ABCA1: variants seen among roughly 807,000 people sequenced by gnomAD.
ABCA1 encodes ATP binding cassette subfamily A member 1, also known as phospholipid-transporting ATPase ABCA1.
A neutral mutation model predicts 262.5 loss-of-function variants in ABCA1; 133 were observed. The observed-to-expected ratio is 0.51, with a 90% CI of 0.44 to 0.59. ABCA1 has a LOEUF of 0.59. ABCA1 is among the 20% of genes least tolerant of loss of function. The pLI is 0.00. For synonymous variants in ABCA1, 1,022 were observed against 1,043.5 expected (o/e 0.98, Z 0.40); for missense variants, 2,452 against 2,777.5 (o/e 0.88, Z 2.63).
At chr9:104,810,719 A>C in intron 29 of ABCA1, 81 bp downstream of exon 29, 1 of 1,605,098 alleles carries the variant, frequency 6.2e-7, no homozygotes, top group Non-Finnish European at 8.5e-7. Context: ...TGTAATTCTG[A>C]AGTCCATTCC....
intron 49 of ABCA1, 129 bp downstream of exon 49, chr9:104,785,267 C>A: frequency 8.0e-7 from 1 of 1,256,702 alleles, no homozygotes; most frequent in Non-Finnish European, 1.1e-6. Context: ...AAAAGCATAG[C>A]TAGGAATAGT....
chr9:104,927,326 C>T (rs1483891440), intron 1 of ABCA1, among the ~76,000 whole-genome samples: 1 of 152,100 alleles, frequency 6.6e-6, no homozygotes, highest in Non-Finnish European at 1.5e-5. Context: ...TCAGGTCAAA[C>T]AAAGACCCAA....
At chr9:104,885,038 C>T (rs1330117094) in intron 3 of ABCA1, among the ~76,000 whole-genome samples, 1 of 152,120 alleles carries the variant, frequency 6.6e-6, no homozygotes, top group Non-Finnish European at 1.5e-5. Flanking sequence ...GAGTTCAAGA[C>T]CACCCTGGCC....
chr9:104,861,526 G>C lies in ABCA1; in HGVS notation c.543+153C>G, dbSNP rs73504110. 10,745 of 1,119,198 alleles carry C rather than the reference G, an allele frequency of 9.6e-3. 650 individuals carry two copies. In the African/African-American group the frequency reaches 0.14, roughly 15 times the overall value. 69.3% of individuals were successfully genotyped at this position (1,119,198 alleles called of 1,614,324 possible). A position where few individuals can be genotyped will look rare whatever the true frequency, so the allele number is the denominator to read the frequency against. ...CTGGATGGTTTGGCAATTCCTGCCT[G>C]AATAGGGAAGTAAAATTAAGTGAAG... On this transcript the variant is annotated intron_variant, in intron 6 of 49. Coordinates refer to ENST00000374736, the MANE Select transcript of ABCA1 (RefSeq NM_005502.4).
chr9:104,783,947 T>C lies in ABCA1; in HGVS notation c.*368A>G, dbSNP rs13306080. The stretch of plus-strand genomic sequence containing the variant: ...TTTGATCAATAATCGCTGGCCATGA[T>C]TACTTGATGAATTATTGTTGCAACC... On this transcript the variant is annotated 3_prime_UTR_variant, in exon 50 of 50. Transcript: ENST00000374736. 74 of 198,928 alleles carry C rather than the reference T, an allele frequency of 3.7e-4. No homozygotes were observed. The East Asian group carries it at 8.7e-3, about 23-fold the overall frequency. 12.3% of individuals were successfully genotyped at this position (198,928 alleles called of 1,614,324 possible). A position where few individuals can be genotyped will look rare whatever the true frequency, so the allele number is the denominator to read the frequency against.
chr9:104,827,329 A>T (rs563232651), intron 15 of ABCA1, among the ~76,000 whole-genome samples, 160 bp from the exon 16 acceptor site: 1 of 152,364 alleles, frequency 6.6e-6, no homozygotes, highest in East Asian at 1.9e-4. Flanking sequence ...GATCATTACC[A>T]TCCTAAAGAA....
At chr9:104,814,058 G>C in intron 27 of ABCA1, 60 bp downstream of exon 27, 2 of 1,535,746 alleles carry the variant, frequency 1.3e-6, no homozygotes, top group Non-Finnish European at 9.0e-7. Context: ...ACAGGTGAGA[G>C]CATGAGAGAG....
intron 32 of ABCA1, 70 bp downstream of exon 32, chr9:104,804,556 G>T (rs1402922829): frequency 1.6e-6 from 2 of 1,236,054 alleles, no homozygotes; most frequent in African/African-American, 1.5e-5. Context: ...GTTTCAGTCT[G>T]TTATTTGTAG....
chr9:104,901,910 A>G (rs1398128403), intron 2 of ABCA1, among the ~76,000 whole-genome samples: 2 of 152,240 alleles, frequency 1.3e-5, no homozygotes, highest in Non-Finnish European at 2.9e-5. Context: ...CTAATCAGTT[A>G]GTGCCTCACA....
At chr9:104,862,412 C>G (rs971886533) in intron 5 of ABCA1, among the ~76,000 whole-genome samples, 2 of 92,216 alleles carry the variant, frequency 2.2e-5, no homozygotes, top group African/African-American at 6.6e-5. Context: ...CCCGGTCTTT[C>G]TCTTCTAAAT....
chr9:104,788,097 A>T (rs779854678), intron 45 of ABCA1, 43 bp from the exon 46 acceptor site: 1 of 1,591,812 alleles, frequency 6.3e-7, no homozygotes, highest in Non-Finnish European at 8.6e-7. Context: ...TGGCTTGGGA[A>T]TTTTATCATG....
chr9:104,860,890 G>A (rs1212547252), intron 6 of ABCA1, among the ~76,000 whole-genome samples: 1 of 151,472 alleles, frequency 6.6e-6, no homozygotes, highest in Non-Finnish European at 1.5e-5. Context: ...ACGAGTAGCT[G>A]GGACTACAGG....
intron 42 of ABCA1, 113 bp from the exon 43 acceptor site, chr9:104,792,111 T>G (rs1829477511): frequency 1.0e-6 from 1 of 967,212 alleles, no homozygotes; most frequent in Non-Finnish European, 1.6e-6. Flanking sequence ...GACTTGTCAA[T>G]AACCCTAAGC....
chr9:104,794,237 G>T, intron 40 of ABCA1, 150 bp downstream of exon 40: 2 of 1,204,460 alleles, frequency 1.7e-6, no homozygotes, highest in Non-Finnish European at 2.4e-6. Context: ...ACAACCAGCT[G>T]TGTTGGCATG....
chr9:104,854,839 C>A (rs1415901880), intron 7 of ABCA1, among the ~76,000 whole-genome samples: 2 of 152,214 alleles, frequency 1.3e-5, no homozygotes, highest in Non-Finnish European at 2.9e-5. Flanking sequence ...CATATATCCA[C>A]CCACCTTTGT....
At chr9:104,911,578 G>A (rs1201023729) in intron 1 of ABCA1, among the ~76,000 whole-genome samples, 1 of 152,144 alleles carries the variant, frequency 6.6e-6, no homozygotes, top group Non-Finnish European at 1.5e-5. Context: ...AAGCTAATCT[G>A]ACTGCCTCAG....
Position 104,817,967 on chromosome 9 carries a change from C to T in ABCA1, c.3463-563G>A, listed in dbSNP as rs150853545. Among the ~76,000 whole-genome samples, 23 of 152,252 alleles carry T rather than the reference C, an allele frequency of 1.5e-4. No individual in the cohort carries two copies. The Middle Eastern group carries it at 0.01, about 68-fold the overall frequency. On this transcript the variant is annotated intron_variant, in intron 23 of 49. Transcript: ENST00000374736. This position sits in a 1 kb window ranked among gnomAD's most constrained non-coding sequence, Gnocchi z 4.7. The stretch of plus-strand genomic sequence containing the variant: ...ATTAGGTACCACTGGCTTCAACACA[C>T]AAATAAATCTCAGGCATGTACTGCG...
rs771211773 is a variant in ABCA1, at chr9:104,832,787, G to A, written c.1312-16C>T. On this transcript the variant is annotated splice_polypyrimidine_tract_variant and intron_variant, in intron 11 of 49. Coordinates refer to ENST00000374736, the MANE Select transcript of ABCA1 (RefSeq NM_005502.4). ...CCAACAGCATCTGCCATTCCAGTGA[G>A]AAAGTACAAGTAGTAAACACCAACT... The A allele has an allele frequency of 3.6e-5, 58 of 1,613,122 alleles. No individual in the cohort carries two copies. Among genetic ancestry groups the A allele is most frequent in the Non-Finnish European group, 4.6e-5 (54 of 1,179,210 alleles).
At chr9:104,912,978 T>A (rs2118490063) in intron 1 of ABCA1, among the ~76,000 whole-genome samples, 1 of 152,314 alleles carries the variant, frequency 6.6e-6, no homozygotes. Flanking sequence ...CTTGGCTGGA[T>A]AATGTTCCCT....
Sources: allele counts gnomAD v4.1 joint callset (sites outside exome capture counted in the v4.1 genomes callset), GRCh38; gene constraint gnomAD v4.1.1; non-coding constraint Gnocchi (gnomAD v3.1); transcripts MANE v1.5; gene names NCBI Gene and HGNC (gene_info 2026-07-23, HGNC 2026-07-21).